The following SF3B3 variants were observed in gnomAD, a reference collection of about 807,000 sequenced individuals.
SF3B3 encodes the protein splicing factor 3b subunit 3.
Under a neutral mutation model 139.2 loss-of-function variants are expected in SF3B3, and 33 were observed. The ratio of observed to expected loss-of-function variants is 0.24; its 90% CI spans 0.18 to 0.32. The LOEUF is 0.32. Among genes scored for constraint, SF3B3 ranks in the 10% least tolerant of loss-of-function variants. The pLI, the probability that SF3B3 is intolerant of heterozygous loss-of-function variation, is 1.00. For synonymous variants in SF3B3, 596 were observed against 563.6 expected, an observed-to-expected ratio of 1.06 and a Z score of -0.81; for missense variants, 818 against 1,509.4, an observed-to-expected ratio of 0.54 and a Z score of 7.59.
At position 70,571,861 on chromosome 16, in the gene SF3B3, C is replaced by T. The variant is rs375980084; in HGVS notation, c.*48C>T. On this transcript the variant is annotated 3_prime_UTR_variant, in exon 26 of 26. Coordinates refer to ENST00000302516, the MANE Select transcript of SF3B3 (RefSeq NM_012426.5). Reference sequence around the variant, plus strand: ...TGCCAGAGACTGTGTGTTTTGTTTCCCCCACCACCATCACTGCCACCTGGC... The same window carrying T: ...TGCCAGAGACTGTGTGTTTTGTTTCTCCCACCACCATCACTGCCACCTGGC... The T allele has an allele frequency of 8.9e-5, 140 of 1,566,662 alleles. No individual in the cohort carries two copies. Among genetic ancestry groups the T allele is most frequent in the Non-Finnish European group, 1.1e-4 (125 of 1,158,184 alleles).
chr16:70,561,028 T>G (rs1325783750), intron 16 of SF3B3, among the ~76,000 whole-genome samples: 2 of 149,630 alleles, frequency 1.3e-5, no homozygotes, highest in Non-Finnish European at 3.0e-5. Flanking sequence ...TTTTTTGTTG[T>G]TTTTTTTTTT....
chr16:70,537,203 A>G (rs1331158536), intron 6 of SF3B3, among the ~76,000 whole-genome samples: 1 of 152,250 alleles, frequency 6.6e-6, no homozygotes, highest in Non-Finnish European at 1.5e-5. Context: ...GGAGTGATGT[A>G]TAAGTGATAC....
intron 10 of SF3B3, 43 bp from the exon 11 acceptor site, chr16:70,548,327 T>A (rs1316419046): frequency 6.6e-7 from 1 of 1,513,320 alleles, no homozygotes; most frequent in African/African-American, 1.4e-5. Flanking sequence ...GGTAGCTGAG[T>A]TGCATGCTCA....
Position 70,571,699 on chromosome 16 carries a change from G to A in SF3B3, c.3540G>A (p.Glu1180=), listed in dbSNP as rs2050531096. The part of the protein sequence containing the change: ...VKNVIDGDLC[E]QFNSMEPNKQ... ...ATGTGATTGATGGAGACCTCTGTGA[G>A]CAGTTCAATTCCATGGAACCCAACA... Residue 1180 remains glutamate, a synonymous_variant, in exon 26 of 26, where the codon GAG becomes GAA. Coordinates refer to ENST00000302516, the MANE Select transcript of SF3B3 (RefSeq NM_012426.5). The A allele has an allele frequency of 1.2e-6, 2 of 1,613,858 alleles. No homozygotes were observed. Among genetic ancestry groups the A allele is most frequent in the African/African-American group, 1.3e-5 (1 of 74,948 alleles).
In SF3B3 at chr16:70,523,905, C is replaced by G; in HGVS notation, c.-94C>G. The stretch of plus-strand genomic sequence containing the variant: ...AAGGGAGGTAGCATCCGTTGGATAT[C>G]CACACCATCCTTCTCGCTGCAGGGT... On this transcript the variant is annotated 5_prime_UTR_variant, in exon 1 of 26. It adds an upstream start codon to the 5' untranslated region. Transcript: ENST00000302516. 1 of 473,750 alleles carries G rather than the reference C, an allele frequency of 2.1e-6. No homozygotes were observed. Among genetic ancestry groups the G allele is most frequent in the Non-Finnish European group, 3.7e-6 (1 of 269,742 alleles). 29.3% of individuals were successfully genotyped at this position (473,750 alleles called of 1,614,324 possible). A position where few individuals can be genotyped will look rare whatever the true frequency, so the allele number is the denominator to read the frequency against.
chr16:70,570,354 A>G lies in SF3B3; in HGVS notation c.3408+205A>G, dbSNP rs542837865. Reference sequence around the variant, plus strand: ...TTTGGTTTTTTTTTTTTTTTTTGCGACGGAGTCTCACTGTTACCCGGGCTG... The same window carrying G: ...TTTGGTTTTTTTTTTTTTTTTTGCGGCGGAGTCTCACTGTTACCCGGGCTG... On this transcript the variant is annotated intron_variant, in intron 24 of 25. Transcript: ENST00000302516. 1.3e-4 allele frequency among the ~76,000 whole-genome samples: 8 copies of G among 59,770 alleles called. No homozygotes were observed. In the East Asian group the frequency reaches 4.6e-3, roughly 34 times the overall value. 39.2% of individuals were successfully genotyped at this position (59,770 alleles called of 152,430 possible). A position where few individuals can be genotyped will look rare whatever the true frequency, so the allele number is the denominator to read the frequency against.
chr16:70,568,189 T>G, intron 21 of SF3B3, 94 bp from the exon 22 acceptor site: 1 of 944,426 alleles, frequency 1.1e-6, no homozygotes, highest in Non-Finnish European at 1.7e-6. Context: ...GCTGTTCTGC[T>G]GACCCTACGT....
intron 17 of SF3B3, 193 bp from the exon 18 acceptor site, chr16:70,563,683 G>T: frequency 1.8e-6 from 1 of 553,734 alleles, no homozygotes; most frequent in Non-Finnish European, 3.2e-6. Flanking sequence ...GTTGCCAAAT[G>T]GGAAGGCCCT....
intron 24 of SF3B3, among the ~76,000 whole-genome samples, chr16:70,570,767 G>A (rs973334267): frequency 6.6e-6 from 1 of 152,198 alleles, no homozygotes; most frequent in Non-Finnish European, 1.5e-5. Flanking sequence ...CCCTCCTGGG[G>A]CACACACTGC....
chr16:70,557,291 C>T (rs1224959512), intron 15 of SF3B3, among the ~76,000 whole-genome samples: 1 of 152,170 alleles, frequency 6.6e-6, no homozygotes, highest in East Asian at 1.9e-4. Context: ...GGATGGGTTC[C>T]TGAAGGATCA....
At chr16:70,530,388 C>T (rs1325772232) in intron 3 of SF3B3, among the ~76,000 whole-genome samples, 1 of 150,694 alleles carries the variant, frequency 6.6e-6, no homozygotes, top group East Asian at 2.0e-4. Flanking sequence ...GGTGCGATCT[C>T]AGCTCACTGC....
rs748307497 is a variant in SF3B3 at position 70,541,701 on chromosome 16, A to G, written c.1100A>G (p.Asp367Gly). 3.1e-6 allele frequency: 5 copies of G among 1,613,952 alleles called. No individual in the cohort carries two copies. The highest frequency in any genetic ancestry group is 4.2e-6 in the Non-Finnish European group (5 of 1,179,978). The change falls in exon 9 of 26, where the codon GAT becomes GGT. Residue 367 changes from aspartate (D) to glycine (G), a missense_variant. By Grantham distance (94) the Asp-to-Gly change is moderately conservative (BLOSUM62 -1). This residue lies in a region of SF3B3 where 80 missense variants were observed against 206.5 expected (regional missense o/e 0.39). Coordinates refer to ENST00000302516, the MANE Select transcript of SF3B3 (RefSeq NM_012426.5). The stretch of plus-strand genomic sequence containing the variant: ...TATCAAATTGCACATCTTGGAGATG[A>G]TGATGAAGAACCTGAGTTTTCATCA... Reference protein sequence around the residue: ...YLYQIAHLGDDDEEPEFSSAM... With the variant: ...YLYQIAHLGDGDEEPEFSSAM...
At chr16:70,524,891 A>G (rs1021520087) in intron 1 of SF3B3, 3 of 152,168 alleles carry the variant, frequency 2.0e-5, no homozygotes, top group Non-Finnish European at 4.4e-5. Context: ...TGTGTTAGCC[A>G]GGATGGTCTC....
At chr16:70,556,748 T>C (rs1208959344) in intron 14 of SF3B3, 138 bp from the exon 15 acceptor site, 9 of 830,562 alleles carry the variant, frequency 1.1e-5, no homozygotes, top group African/African-American at 3.4e-5. Context: ...AACTCAGTAC[T>C]CTCTTAGAAC....
Position 70,554,519 on chromosome 16 carries a change from A to G in SF3B3, c.1476A>G (p.Glu492=). The G allele has an allele frequency of 6.2e-7, 1 of 1,614,168 alleles. No homozygotes were observed. Among genetic ancestry groups the G allele is most frequent in the Non-Finnish European group, 8.5e-7 (1 of 1,179,976 alleles). ...TLVLSIGETV[E]EVTDSGFLGT... is the part of the protein sequence containing the mutation. ...TGTTGTCCATTGGAGAAACTGTAGA[A>G]GAAGTGACTGACTCTGGGTTCCTGG... The change falls in exon 12 of 26, where the codon GAA becomes GAG. Residue 492 remains glutamate (E), a synonymous_variant. Coordinates refer to ENST00000302516, the MANE Select transcript of SF3B3 (RefSeq NM_012426.5).
In SF3B3 at chr16:70,565,264, C is replaced by G; in HGVS notation, c.2663C>G (p.Ala888Gly). The change falls in exon 19 of 26, where the codon GCT becomes GGT. Residue 888 changes from alanine to glycine, a missense_variant. This residue lies in a region of SF3B3 where 145 missense variants were observed against 153.6 expected (regional missense o/e 0.94). Coordinates refer to ENST00000302516, the MANE Select transcript of SF3B3 (RefSeq NM_012426.5). ...DLVQLEQNEA[A>G]FSVAVCRFSN... The stretch of plus-strand genomic sequence containing the variant: ...GTCCAGCTGGAACAGAATGAGGCAG[C>G]TTTTAGGTAAGCAGCCCAGGACAGT... The G allele has an allele frequency of 6.2e-7, 1 of 1,614,160 alleles. No individual in the cohort carries two copies. Among genetic ancestry groups the G allele is most frequent in the Non-Finnish European group, 8.5e-7 (1 of 1,180,038 alleles).
intron 15 of SF3B3, among the ~76,000 whole-genome samples, chr16:70,557,808 A>G (rs191073532): frequency 1.1e-4 from 16 of 152,322 alleles, no homozygotes; most frequent in South Asian, 8.3e-4. Flanking sequence ...AGCAAATCCA[A>G]GATCTATCAT....
intron 22 of SF3B3, 38 bp from the exon 23 acceptor site, chr16:70,569,005 C>G (rs758897412): frequency 2.7e-6 from 4 of 1,483,724 alleles, no homozygotes; most frequent in South Asian, 2.4e-5. Context: ...TGAGCAGGTC[C>G]GGGCCCCAGC....
At chr16:70,564,969 T>C in intron 18 of SF3B3, 96 bp from the exon 19 acceptor site, 1 of 1,133,538 alleles carries the variant, frequency 8.8e-7, no homozygotes, top group Non-Finnish European at 1.3e-6. Flanking sequence ...CTTTATGTAT[T>C]GAGAACCCCC....
Sources: allele counts gnomAD v4.1 joint callset (sites outside exome capture counted in the v4.1 genomes callset), GRCh38; gene constraint gnomAD v4.1.1; regional missense constraint gnomAD v4.1.1; transcripts MANE v1.5; gene names NCBI Gene and HGNC (gene_info 2026-07-23, HGNC 2026-07-21).